SLCO3A1: variants seen among roughly 807,000 people sequenced by gnomAD.
SLCO3A1 encodes the protein PGE1 transporter.
In SLCO3A1, 27 loss-of-function variants were observed where a neutral mutation model predicts 63.1. The observed-to-expected ratio is 0.43, with a 90% CI of 0.32 to 0.59. SLCO3A1 has a LOEUF of 0.59. Among genes scored for constraint, SLCO3A1 ranks in the 20% least tolerant of loss-of-function variants. The probability of loss-of-function intolerance (pLI) is 0.09; values close to 1 mark genes in which losing one functional copy is unlikely to be tolerated. For missense variants in SLCO3A1, 773 were observed against 945.8 expected (o/e 0.82, Z 2.40); for synonymous variants, 473 against 409.9 (o/e 1.15, Z -1.86).
rs1037870654 is a variant in SLCO3A1, at chr15:91,941,293, G to C, written c.646+24835G>C. 1 of 265,274 alleles carries C rather than the reference G, an allele frequency of 3.8e-6. No homozygotes were observed. The highest frequency in any genetic ancestry group is 2.3e-5 in the African/African-American group (1 of 44,152). 16.4% of individuals were successfully genotyped at this position (265,274 alleles called of 1,614,324 possible). ...GGTGTGTTGGGGCAGGGCGGGGCTC[G>C]GCTGGGGGGTGGGAGAGAGACACTG... On this transcript the variant is annotated intron_variant, in intron 2 of 9. Transcript: ENST00000318445. The surrounding 1 kb of genome is among the most constrained non-coding windows in gnomAD (Gnocchi z 4.4).
Position 92,120,675 on chromosome 15 carries a change from C to T in SLCO3A1, c.1174+46C>T, listed in dbSNP as rs80066806. 3,204 of 1,578,606 alleles carry T rather than the reference C, an allele frequency of 2.0e-3. 44 individuals carry two copies. In the African/African-American group the frequency reaches 0.03, roughly 15 times the overall value. ...CCTGAGAGGGTCGGGGGAGGGTGTC[C>T]TGTGTGTAAGGCACTAAAAATTTAC... is the stretch of plus-strand genomic sequence containing the variant. On this transcript the variant is annotated intron_variant, in intron 5 of 9. Transcript: ENST00000318445.
downstream of SLCO3A1, among the ~76,000 whole-genome samples, chr15:92,169,241 A>T (rs1296144149): frequency 2.6e-5 from 4 of 152,232 alleles, no homozygotes; most frequent in Admixed American, 2.0e-4. Flanking sequence ...GCTCAAATTC[A>T]CAAAGCAGAG....
At chr15:92,127,731 T>C (rs370937388) in intron 6 of SLCO3A1, among the ~76,000 whole-genome samples, 3 of 152,172 alleles carry the variant, frequency 2.0e-5, no homozygotes, top group African/African-American at 7.2e-5. Context: ...CAAAGGAAAA[T>C]TAAAACACCT....
chr15:91,967,609 C>A lies in SLCO3A1; in HGVS notation c.646+51151C>A, dbSNP rs1488185125. ...TAAGACACCTATTACACAGATAATC[C>A]CATATGAAATAAATTAAACCCGTTT... is the stretch of plus-strand genomic sequence containing the variant. On this transcript the variant is annotated intron_variant, in intron 2 of 9. Coordinates refer to ENST00000318445, the MANE Select transcript of SLCO3A1 (RefSeq NM_013272.4). This position sits in a 1 kb window ranked among gnomAD's most constrained non-coding sequence, Gnocchi z 4.4. 1.3e-5 allele frequency among the ~76,000 whole-genome samples: 2 copies of A among 152,162 alleles called. No individual in the cohort carries two copies. The highest frequency in any genetic ancestry group is 4.8e-5 in the African/African-American group (2 of 41,418).
Position 92,049,100 on chromosome 15 carries a change from G to C in SLCO3A1, c.647-45781G>C, listed in dbSNP as rs114740325. Among the ~76,000 whole-genome samples, 790 of 152,304 alleles carry C rather than the reference G, an allele frequency of 5.2e-3. 8 individuals carry two copies. Among genetic ancestry groups the C allele is most frequent in the African/African-American group, 0.018 (766 of 41,560 alleles). ...TCTGACGTCAAAACCCATGATCTTA[G>C]AGATGAGTGGTTACAAGGAAAAGAC... On this transcript the variant is annotated intron_variant, in intron 2 of 9. Transcript: ENST00000318445.
intron 2 of SLCO3A1, among the ~76,000 whole-genome samples, chr15:92,047,706 C>T (rs1039325826): frequency 2.9e-5 from 4 of 138,438 alleles, no homozygotes; most frequent in African/African-American, 1.1e-4. Flanking sequence ...AATGGCAAAA[C>T]CTGTGTCATT....
intron 2 of SLCO3A1, among the ~76,000 whole-genome samples, chr15:92,021,894 C>T (rs963781011): frequency 6.6e-6 from 1 of 152,122 alleles, no homozygotes; most frequent in Non-Finnish European, 1.5e-5. Context: ...CCGTTCCACC[C>T]AGCCTAATAC....
intron 9 of SLCO3A1, among the ~76,000 whole-genome samples, chr15:92,159,000 T>A (rs1046029440): frequency 1.9e-4 from 29 of 152,132 alleles, no homozygotes; most frequent in African/African-American, 7.0e-4. Flanking sequence ...CTATCTAACA[T>A]GAATAAGGTG....
chr15:91,917,029 G>A (rs1423556518), intron 2 of SLCO3A1, among the ~76,000 whole-genome samples: 1 of 152,218 alleles, frequency 6.6e-6, no homozygotes, highest in African/African-American at 2.4e-5. Context: ...CACGGTCAGA[G>A]TTTCTGATGT....
chr15:92,022,971 T>C (rs1018826172), intron 2 of SLCO3A1, among the ~76,000 whole-genome samples: 4 of 152,120 alleles, frequency 2.6e-5, no homozygotes, highest in Non-Finnish European at 4.4e-5. Flanking sequence ...CAGAGTAGAG[T>C]GGCTTTGTAG....
chr15:91,928,753 A>T (rs556915725), intron 2 of SLCO3A1, among the ~76,000 whole-genome samples: 1 of 152,326 alleles, frequency 6.6e-6, no homozygotes, highest in Admixed American at 6.5e-5. Flanking sequence ...AAAAACTCTC[A>T]TCAGATAAAG....
chr15:92,046,535 A>G (rs1420145393), intron 2 of SLCO3A1, among the ~76,000 whole-genome samples: 3 of 152,082 alleles, frequency 2.0e-5, no homozygotes, highest in Non-Finnish European at 4.4e-5. Flanking sequence ...GTCTCAAAAA[A>G]CAAAAGAGTA....
intron 1 of SLCO3A1, among the ~76,000 whole-genome samples, chr15:91,908,929 C>T (rs927341335): frequency 1.3e-5 from 2 of 151,986 alleles, no homozygotes; most frequent in Non-Finnish European, 2.9e-5. Flanking sequence ...GGCGTGGTGG[C>T]GGGTGCCTGT....
At chr15:91,890,204 T>G (rs1897836103) in intron 1 of SLCO3A1, among the ~76,000 whole-genome samples, 2 of 152,250 alleles carry the variant, frequency 1.3e-5, no homozygotes, top group Non-Finnish European at 2.9e-5. Context: ...AATTATATAG[T>G]TAATACACGT....
intron 1 of SLCO3A1, among the ~76,000 whole-genome samples, chr15:91,887,246 T>A (rs966964330): frequency 6.6e-6 from 1 of 152,152 alleles, no homozygotes; most frequent in Non-Finnish European, 1.5e-5. Context: ...AATATTGTCA[T>A]CCCTTTTACC....
intron 1 of SLCO3A1, among the ~76,000 whole-genome samples, chr15:91,906,590 C>A (rs1898316006): frequency 6.6e-6 from 1 of 152,228 alleles, no homozygotes. Flanking sequence ...GGGCCTTAGA[C>A]TAAGATCTCT....
downstream of SLCO3A1, among the ~76,000 whole-genome samples, chr15:92,167,301 T>C (rs1657823033): frequency 1.3e-5 from 2 of 152,310 alleles, no homozygotes; most frequent in Middle Eastern, 6.8e-3. Context: ...CTCCTCTGAT[T>C]GACCTCCTCT....
intron 5 of SLCO3A1, among the ~76,000 whole-genome samples, chr15:92,124,718 G>A (rs879608969): frequency 9.2e-5 from 14 of 152,160 alleles, no homozygotes; most frequent in African/African-American, 2.4e-4. Flanking sequence ...AGAGAGCCAT[G>A]AAAACAGTAT....
intron 2 of SLCO3A1, among the ~76,000 whole-genome samples, chr15:91,928,710 G>T (rs1342802366): frequency 6.6e-6 from 1 of 152,214 alleles, no homozygotes; most frequent in East Asian, 1.9e-4. Flanking sequence ...TGATGGGTCT[G>T]GGGTATTCAG....
Sources: allele counts gnomAD v4.1 joint callset (sites outside exome capture counted in the v4.1 genomes callset), GRCh38; gene constraint gnomAD v4.1.1; non-coding constraint Gnocchi (gnomAD v3.1); transcripts MANE v1.5; gene names NCBI Gene and HGNC (gene_info 2026-07-23, HGNC 2026-07-21).